Variants in ARHGEF38 observed in about 807,000 individuals in gnomAD.
The protein encoded by ARHGEF38 is Rho guanine nucleotide exchange factor (GEF) 38.
Under a neutral mutation model 79.9 loss-of-function variants are expected in ARHGEF38, and 79 were observed. The observed-to-expected ratio is 0.99, with a 90% CI of 0.82 to 1.19. The LOEUF is 1.19. Ranked by LOEUF, ARHGEF38 falls within the 50% of genes most tolerant of loss-of-function variation. The pLI, the probability that ARHGEF38 is intolerant of heterozygous loss-of-function variation, is 0.00. For synonymous variants in ARHGEF38, 366 were observed against 328.3 expected (o/e 1.11, Z -1.24); for missense variants, 962 against 907.2 (o/e 1.06, Z -0.78).
chr4:105,680,219 G>A lies in ARHGEF38; in HGVS notation c.*2282G>A. On this transcript the variant is annotated 3_prime_UTR_variant, in exon 14 of 14. Transcript: ENST00000420470. ...GTGTTTTCCCTTTTCTTTTCCTTAAGTCACTAAAATCTGTAGTTATATAAT... is the reference window on the plus strand; with the variant it reads ...GTGTTTTCCCTTTTCTTTTCCTTAAATCACTAAAATCTGTAGTTATATAAT... The A allele has an allele frequency of 2.2e-6, 1 of 451,502 alleles. No homozygotes were observed. The highest frequency in any genetic ancestry group is 2.3e-5 in the South Asian group (1 of 44,082). The allele number at this position is 451,502 out of a possible 1,614,324, so 28.0% of individuals were successfully genotyped here. A position where few individuals can be genotyped will look rare whatever the true frequency, so the allele number is the denominator to read the frequency against.
chr4:105,602,479 C>A (rs1727866601), intron 2 of ARHGEF38, among the ~76,000 whole-genome samples: 1 of 151,950 alleles, frequency 6.6e-6, no homozygotes, highest in African/African-American at 2.4e-5. Context: ...AGTGTAGAAG[C>A]TTTTTCAGAG....
chr4:105,681,369 T>G (rs1220347673), downstream of ARHGEF38, among the ~76,000 whole-genome samples: 1 of 152,092 alleles, frequency 6.6e-6, no homozygotes, highest in Non-Finnish European at 1.5e-5. Context: ...AATAATGATG[T>G]TAGAAAAACC....
chr4:105,659,400 G>A, intron 10 of ARHGEF38, 35 bp downstream of exon 10: 1 of 1,510,556 alleles, frequency 6.6e-7, no homozygotes, highest in Admixed American at 2.0e-5. Context: ...TAGCTACCTT[G>A]GCCTACTGGA....
At chr4:105,620,553 A>C (rs993486054) in intron 3 of ARHGEF38, among the ~76,000 whole-genome samples, 1 of 152,210 alleles carries the variant, frequency 6.6e-6, no homozygotes, top group Non-Finnish European at 1.5e-5. Context: ...TCTGTATGTA[A>C]CAAGTGAATA....
rs1728386032 is a variant in ARHGEF38, at chr4:105,613,477, A to G, written c.478A>G (p.Thr160Ala). The G allele has an allele frequency of 2.5e-6, 4 of 1,613,076 alleles. No individual in the cohort carries two copies. In the Admixed American group the frequency reaches 6.7e-5, roughly 27 times the overall value. Residue 160 changes from threonine to alanine, a missense_variant, in exon 3 of 14, where the codon ACA (threonine) becomes GCA (alanine). Thr to Ala is a moderately conservative substitution (Grantham distance 58, BLOSUM62 0). Coordinates refer to ENST00000420470, the MANE Select transcript of ARHGEF38 (RefSeq NM_001242729.2). ...KLLSLLEEAT[T>A]DVEPAMQVIG... ...GCTGTCATTGTTGGAAGAGGCCACA[A>G]CAGACGTGGAACCGGCCATGCAAGT... is the stretch of plus-strand genomic sequence containing the variant.
intron 6 of ARHGEF38, among the ~76,000 whole-genome samples, chr4:105,646,401 C>A (rs902989556): frequency 3.9e-5 from 6 of 152,118 alleles, no homozygotes; most frequent in Non-Finnish European, 8.8e-5. Flanking sequence ...TTTTAAAATT[C>A]TAATCTTCAT....
intron 2 of ARHGEF38, among the ~76,000 whole-genome samples, chr4:105,611,820 A>T (rs1000831525): frequency 6.6e-6 from 1 of 152,126 alleles, no homozygotes; most frequent in African/African-American, 2.4e-5. Flanking sequence ...TTCAGAATAC[A>T]TAAAACTAGT....
At chr4:105,554,015 T>A (rs1406795164) in intron 1 of ARHGEF38, among the ~76,000 whole-genome samples, 1 of 152,068 alleles carries the variant, frequency 6.6e-6, no homozygotes, top group Non-Finnish European at 1.5e-5. Flanking sequence ...TTAAATTAAA[T>A]CTAAAAATTA....
chr4:105,632,874 T>C (rs992448258), intron 4 of ARHGEF38: 1 of 152,502 alleles, frequency 6.6e-6, no homozygotes, highest in Admixed American at 6.5e-5. Context: ...CAGTTTACTA[T>C]TCATTAAACT....
At chr4:105,587,433 T>C (rs1196926452) in intron 1 of ARHGEF38, among the ~76,000 whole-genome samples, 2 of 152,196 alleles carry the variant, frequency 1.3e-5, no homozygotes, top group African/African-American at 4.8e-5. Context: ...TATCTGTTCT[T>C]ATATAGCTCA....
At chr4:105,618,900 T>C (rs1223047249) in intron 3 of ARHGEF38, among the ~76,000 whole-genome samples, 2 of 152,174 alleles carry the variant, frequency 1.3e-5, no homozygotes, top group Non-Finnish European at 2.9e-5. Context: ...TTTTGATATG[T>C]AAGATGTTAA....
chr4:105,670,874 T>C (rs954250290), intron 13 of ARHGEF38, among the ~76,000 whole-genome samples: 13 of 152,322 alleles, frequency 8.5e-5, no homozygotes, highest in African/African-American at 2.6e-4. Context: ...TGTTCTTACT[T>C]GGCTCTACAG....
chr4:105,575,225 T>C (rs1176565529), intron 1 of ARHGEF38, among the ~76,000 whole-genome samples: 2 of 152,132 alleles, frequency 1.3e-5, no homozygotes, highest in Non-Finnish European at 2.9e-5. Context: ...CTTTAAGGAA[T>C]CTCCATACTA....
At chr4:105,648,822 CT>C (rs1729966309) in intron 7 of ARHGEF38, 140 bp downstream of exon 7, 6 of 477,620 alleles carry the variant, frequency 1.3e-5, no homozygotes, top group South Asian at 4.0e-5. Flanking sequence ...TTGTCTCCCT[CT>C]CTCTCTCTCT....
intron 2 of ARHGEF38, among the ~76,000 whole-genome samples, chr4:105,605,838 A>G (rs1453528611): frequency 6.6e-6 from 1 of 152,038 alleles, no homozygotes; most frequent in Admixed American, 6.6e-5. Flanking sequence ...CTATCTCACA[A>G]GCAGTCCTCT....
intron 2 of ARHGEF38, among the ~76,000 whole-genome samples, chr4:105,597,226 T>C (rs1727622134): frequency 6.6e-6 from 1 of 152,210 alleles, no homozygotes; most frequent in Non-Finnish European, 1.5e-5. Flanking sequence ...CCTAGATAGA[T>C]AGGTGGATAG....
intron 9 of ARHGEF38, 56 bp from the exon 10 acceptor site, chr4:105,658,998 G>A (rs1303177669): frequency 7.0e-6 from 10 of 1,428,526 alleles, no homozygotes; most frequent in Non-Finnish European, 9.3e-6. Context: ...TAGCAGAACT[G>A]GACAAGGTAT....
At chr4:105,638,160 G>T (rs1189810196) in intron 5 of ARHGEF38, among the ~76,000 whole-genome samples, 2 of 152,074 alleles carry the variant, frequency 1.3e-5, no homozygotes, top group African/African-American at 2.4e-5. Flanking sequence ...CAAGATGTGG[G>T]TTTTTACATG....
intron 4 of ARHGEF38, among the ~76,000 whole-genome samples, chr4:105,635,131 G>T (rs1729347674): frequency 6.6e-6 from 1 of 152,040 alleles, no homozygotes; most frequent in African/African-American, 2.4e-5. Context: ...GTTCATGAGG[G>T]TAGGAGGTAT....
Sources: gnomAD v4.1 joint callset for allele counts (sites outside exome capture counted in the v4.1 genomes callset) on GRCh38, gnomAD v4.1.1 for gene constraint, MANE v1.5 for transcripts, NCBI Gene and HGNC (gene_info 2026-07-23, HGNC 2026-07-21) for gene names.